Variants in PER3 observed in about 807,000 individuals in gnomAD.
The protein encoded by PER3 is period circadian regulator 3, also known as period circadian protein homolog 3.
In PER3, 107 loss-of-function variants were observed where a neutral mutation model predicts 127.2. The observed-to-expected ratio is 0.84, with a 90% CI of 0.72 to 0.99. PER3 has a LOEUF of 0.99. Ranked by LOEUF, PER3 falls within the 50% of genes least tolerant of loss-of-function variation. PER3 has a pLI of 0.00. For missense variants in PER3, 1,560 were observed against 1,525.8 expected, an observed-to-expected ratio of 1.02 and a Z score of -0.37; for synonymous variants, 618 against 585.8, an observed-to-expected ratio of 1.05 and a Z score of -0.79.
intron 5 of PER3, among the ~76,000 whole-genome samples, chr1:7,793,635 G>A (rs1004676312): frequency 2.6e-5 from 4 of 152,198 alleles, no homozygotes; most frequent in African/African-American, 9.7e-5. Context: ...CAGAATAATT[G>A]TGTCCAAGGA....
intron 13 of PER3, among the ~76,000 whole-genome samples, chr1:7,812,624 CA>C (rs35962033): frequency 0.13 from 11,199 of 84,596 alleles, 297 homozygotes; most frequent in African/African-American, 0.15. Context: ...GACTCCGTCT[CA>C]AAAAAAAAAA....
intron 10 of PER3, among the ~76,000 whole-genome samples, chr1:7,808,268 G>C (rs146003548): frequency 0.031 from 4,332 of 141,198 alleles, 123 homozygotes; most frequent in South Asian, 0.094. Flanking sequence ...AACTAGTATA[G>C]TACAGTGCCT....
At chr1:7,787,881 A>C in intron 4 of PER3, 164 bp from the exon 5 acceptor site, 1 of 616,120 alleles carries the variant, frequency 1.6e-6, no homozygotes, top group Non-Finnish European at 2.9e-6. Context: ...AGATTTAAGA[A>C]GCATGTTGGA....
intron 6 of PER3, among the ~76,000 whole-genome samples, chr1:7,797,619 G>A (rs1418834854): frequency 2.7e-5 from 4 of 148,408 alleles, no homozygotes; most frequent in African/African-American, 1.0e-4. Flanking sequence ...CTGGGCAACA[G>A]AGCGAGACTC....
intron 5 of PER3, among the ~76,000 whole-genome samples, chr1:7,789,012 T>C (rs1487347259): frequency 6.6e-6 from 1 of 152,128 alleles, no homozygotes; most frequent in African/African-American, 2.4e-5. Flanking sequence ...TGCTTTTCTT[T>C]CATAATTCAA....
At chr1:7,805,893 T>TA (rs35060725) in intron 10 of PER3, among the ~76,000 whole-genome samples, 1 of 152,190 alleles carries the variant, frequency 6.6e-6, no homozygotes, top group African/African-American at 2.4e-5. Context: ...TTCAGTATTT[T>TA]AAAAAATTAC....
chr1:7,836,082 C>A, intron 20 of PER3, 137 bp downstream of exon 20: 1 of 586,122 alleles, frequency 1.7e-6, no homozygotes. Context: ...ACTGCAACCT[C>A]CATCTCCTGG....
intron 21 of PER3, among the ~76,000 whole-genome samples, chr1:7,839,920 A>G (rs1177802244): frequency 6.6e-6 from 1 of 151,974 alleles, no homozygotes; most frequent in Admixed American, 6.6e-5. Flanking sequence ...CATGTTTTTC[A>G]TCAAACTTGG....
At chr1:7,822,421 A>AT (rs1244075041) in intron 16 of PER3, among the ~76,000 whole-genome samples, 1 of 151,848 alleles carries the variant, frequency 6.6e-6, no homozygotes, top group Admixed American at 6.6e-5. Flanking sequence ...TGCCCAGCTA[A>AT]TTTTTGTATT....
In PER3 at chr1:7,837,426, G is replaced by A. The variant is rs138292288; in HGVS notation, c.3549+277G>A. Among the ~76,000 whole-genome samples the A allele has an allele frequency of 8.5e-4, 129 of 152,232 alleles. 1 individual carries two copies. The highest frequency in any genetic ancestry group is 2.9e-3 in the African/African-American group (119 of 41,546). On this transcript the variant is annotated intron_variant, in intron 21 of 21. Transcript: ENST00000377532. ...TCTACCAGTTGGAATGTTAGGGTACGATAAAGAGTAAAAACACCTGCTTTG... is the reference window on the plus strand; with the variant it reads ...TCTACCAGTTGGAATGTTAGGGTACAATAAAGAGTAAAAACACCTGCTTTG...
At chr1:7,785,738 C>G (rs768414165) in intron 3 of PER3, 152 bp downstream of exon 3, 2 of 640,322 alleles carry the variant, frequency 3.1e-6, no homozygotes, top group Non-Finnish European at 5.5e-6. Context: ...CGATTCCATT[C>G]GTGTCTTAAT....
chr1:7,807,980 G>A (rs892756106), intron 10 of PER3, among the ~76,000 whole-genome samples: 3 of 152,134 alleles, frequency 2.0e-5, no homozygotes, highest in African/African-American at 7.2e-5. Context: ...CTCCTGTAAT[G>A]CCAGCACTTT....
At chr1:7,827,088 C>T (rs751445801) in intron 17 of PER3, 30 bp from the exon 18 acceptor site, 63 of 1,508,460 alleles carry the variant, frequency 4.2e-5, no homozygotes, top group Non-Finnish European at 5.6e-5. Flanking sequence ...TTTAATTTTC[C>T]ATAATTTGCC....
chr1:7,806,808 A>T (rs375278914), intron 10 of PER3, among the ~76,000 whole-genome samples: 2,597 of 60,384 alleles, frequency 0.043, 32 homozygotes, highest in East Asian at 0.076. Context: ...AAAAAAAAAA[A>T]AAAAATATAT....
intron 10 of PER3, among the ~76,000 whole-genome samples, chr1:7,805,003 G>A (rs6680585): frequency 0.28 from 42,687 of 151,728 alleles, 6,309 homozygotes; most frequent in Middle Eastern, 0.47. Flanking sequence ...CCAGTAGCTG[G>A]GATTACAGGT....
Position 7,820,529 on chromosome 1 carries a change from A to C in PER3, c.1846A>C (p.Thr616Pro), listed in dbSNP as rs749293558. The C allele has an allele frequency of 6.2e-7, 1 of 1,614,064 alleles. No individual in the cohort carries two copies. The highest frequency in any genetic ancestry group is 8.5e-7 in the Non-Finnish European group (1 of 1,180,020). ...GCCAACAAATGGACGGTCCATAGACACAGGAGGAGGAGCTCCACAGATCCT... is the reference window on the plus strand; with the variant it reads ...GCCAACAAATGGACGGTCCATAGACCCAGGAGGAGGAGCTCCACAGATCCT... The part of the protein sequence containing the change: ...EMPTNGRSID[T>P]GGGAPQILST... The change falls in exon 16 of 22, where the codon ACA becomes CCA. Residue 616 changes from threonine (T) to proline (P), a missense_variant. Thr to Pro is a conservative substitution (Grantham distance 38). Transcript: ENST00000377532.
chr1:7,842,277 C>T (rs542855542), intron 21 of PER3, among the ~76,000 whole-genome samples: 2 of 151,614 alleles, frequency 1.3e-5, no homozygotes, highest in East Asian at 3.9e-4. Flanking sequence ...CCAAGGTGGG[C>T]GGATCACGAG....
intron 13 of PER3, among the ~76,000 whole-genome samples, chr1:7,814,297 G>A (rs144128082): frequency 1.3e-5 from 2 of 152,120 alleles, no homozygotes; most frequent in Admixed American, 1.3e-4. Flanking sequence ...CAAAACACTT[G>A]GGCATATCAT....
chr1:7,787,082 C>A, intron 4 of PER3: 1 of 391,082 alleles, frequency 2.6e-6, no homozygotes, highest in Non-Finnish European at 4.5e-6. Context: ...GCTTCTAGCT[C>A]CTTAGCATTC....
Sources: allele counts gnomAD v4.1 joint callset (sites outside exome capture counted in the v4.1 genomes callset), GRCh38; gene constraint gnomAD v4.1.1; transcripts MANE v1.5; gene names NCBI Gene and HGNC (gene_info 2026-07-23, HGNC 2026-07-21).